KDELR3: variants seen among roughly 807,000 people sequenced by gnomAD.
KDELR3 encodes the protein KDEL endoplasmic reticulum protein retention receptor 3, also known as ER lumen protein-retaining receptor 3.
A neutral mutation model predicts 22.7 loss-of-function variants in KDELR3; 26 were observed. The ratio of observed to expected loss-of-function variants is 1.15; its 90% CI spans 0.84 to 1.59. The LOEUF is 1.59. Among genes scored for constraint, KDELR3 ranks in the 40% most tolerant of loss-of-function variants. The probability of loss-of-function intolerance (pLI) is 0.00; values close to 1 mark genes in which losing one functional copy is unlikely to be tolerated. For missense variants in KDELR3, 289 were observed against 251.1 expected (o/e 1.15, Z -1.02); for synonymous variants, 120 against 98.2 (o/e 1.22, Z -1.31).
At position 38,474,196 on chromosome 22, in the gene KDELR3, C is replaced by G. The variant is rs1402489674; in HGVS notation, c.92-327C>G. ...GAAGAGAAGCCTCAACAACCCCCAC[C>G]AAGCCCGACTCACACCACCCCCGAC... On this transcript the variant is annotated intron_variant, in intron 1 of 4. Transcript: ENST00000216014. 1.6e-5 allele frequency: 4 copies of G among 247,354 alleles called. No homozygotes were observed. In the East Asian group the frequency reaches 3.4e-4, roughly 21 times the overall value. 15.3% of individuals were successfully genotyped at this position (247,354 alleles called of 1,614,324 possible).
intron 1 of KDELR3, among the ~76,000 whole-genome samples, chr22:38,471,993 C>T (rs1208010621): frequency 6.6e-6 from 1 of 151,716 alleles, no homozygotes; most frequent in African/African-American, 2.4e-5. Flanking sequence ...TGTTCTCCCA[C>T]CCCAAATGTC....
In KDELR3 at chr22:38,482,694, C is replaced by T; in HGVS notation, c.*158C>T. ...AACCTGATCATCCCACCCAGAAGAC[C>T]TTCTCATCAATAGATCGCCCTTAAA... On this transcript the variant is annotated 3_prime_UTR_variant, in exon 5 of 5. Coordinates refer to ENST00000216014, the MANE Select transcript of KDELR3 (RefSeq NM_006855.4). The T allele has an allele frequency of 1.5e-6, 1 of 655,522 alleles. No individual in the cohort carries two copies. The highest frequency in any genetic ancestry group is 2.6e-5 in the Admixed American group (1 of 38,042). 40.6% of individuals were successfully genotyped at this position (655,522 alleles called of 1,614,324 possible).
intron 4 of KDELR3, 74 bp downstream of exon 4, chr22:38,481,538 G>T (rs376121501): frequency 2.4e-5 from 38 of 1,601,952 alleles, no homozygotes; most frequent in Admixed American, 1.8e-4. Context: ...TATTCCAGCA[G>T]ATACAGATGT....
intron 1 of KDELR3, among the ~76,000 whole-genome samples, chr22:38,473,217 G>GGA (rs2089535670): frequency 6.6e-6 from 1 of 152,122 alleles, no homozygotes; most frequent in Non-Finnish European, 1.5e-5. Flanking sequence ...GGGCCCAGGA[G>GGA]TTTGAGACCA....
rs1382517201 is a variant in KDELR3, at chr22:38,479,736, T to C, written c.336T>C (p.Ser112=). Residue 112 remains serine (S), a synonymous_variant, in exon 3 of 5, where the codon AGT becomes AGC. Transcript: ENST00000216014. ...GCCTTTCCTTCCTTGAAAACTACAG[T>C]TTCACTCTGCTGGAGGTAAGGGAAT... The part of the protein sequence containing the change: ...VIGLSFLENY[S]FTLLEILWTF... 6.2e-7 allele frequency: 1 copy of C among 1,614,186 alleles called. No individual in the cohort carries two copies. Among genetic ancestry groups the C allele is most frequent in the Admixed American group, 1.7e-5 (1 of 60,016 alleles).
intron 2 of KDELR3, 152 bp downstream of exon 2, chr22:38,474,775 C>T: frequency 3.1e-6 from 2 of 647,412 alleles, no homozygotes; most frequent in South Asian, 1.8e-5. Flanking sequence ...CATCTTGGGC[C>T]TCTTTGTATG....
chr22:38,476,071 A>G (rs2089555530), intron 2 of KDELR3, among the ~76,000 whole-genome samples: 2 of 152,064 alleles, frequency 1.3e-5, no homozygotes, highest in Admixed American at 1.3e-4. Context: ...CTGGGACTAC[A>G]GGCACGCACC....
At chr22:38,469,116 G>A (rs966484110) in intron 1 of KDELR3, among the ~76,000 whole-genome samples, 19 of 152,246 alleles carry the variant, frequency 1.2e-4, no homozygotes, top group South Asian at 4.1e-4. Context: ...AGTGGGCCCC[G>A]AAGGCCCTGT....
intron 2 of KDELR3, 58 bp downstream of exon 2, chr22:38,474,681 GTAGCCT>G: frequency 7.1e-7 from 1 of 1,416,380 alleles, no homozygotes; most frequent in Non-Finnish European, 1.0e-6. Context: ...AAACTGTGAG[GTAGCCT>G]GCTTGGAAAC....
intron 1 of KDELR3, among the ~76,000 whole-genome samples, chr22:38,472,292 C>T (rs1366056492): frequency 1.3e-5 from 2 of 152,080 alleles, no homozygotes; most frequent in Non-Finnish European, 2.9e-5. Flanking sequence ...GCCTGGCCAA[C>T]ACGGTGAAAA....
chr22:38,470,902 G>A (rs2089520715), intron 1 of KDELR3, among the ~76,000 whole-genome samples: 3 of 152,136 alleles, frequency 2.0e-5, no homozygotes, highest in Admixed American at 2.0e-4. Flanking sequence ...CCAGCACTTT[G>A]GGATGCCAAG....
intron 1 of KDELR3, among the ~76,000 whole-genome samples, chr22:38,473,208 G>A (rs1258415633): frequency 6.6e-6 from 1 of 151,998 alleles, no homozygotes; most frequent in African/African-American, 2.4e-5. Flanking sequence ...GGATCACTTG[G>A]GCCCAGGAGT....
chr22:38,476,282 C>T (rs1221913587), intron 2 of KDELR3, among the ~76,000 whole-genome samples: 5 of 151,680 alleles, frequency 3.3e-5, no homozygotes, highest in African/African-American at 4.8e-5. Flanking sequence ...TGCAGTGGGG[C>T]AATCTCGGCT....
At chr22:38,476,828 C>CG (rs2089562571) in intron 2 of KDELR3, among the ~76,000 whole-genome samples, 1 of 137,822 alleles carries the variant, frequency 7.3e-6, no homozygotes, top group Non-Finnish European at 1.6e-5. Flanking sequence ...CTGGCCCCCC[C>CG]TTTTTTTTTT....
intron 3 of KDELR3, among the ~76,000 whole-genome samples, chr22:38,480,297 C>A (rs2145970163): frequency 6.6e-6 from 1 of 152,158 alleles, no homozygotes; most frequent in African/African-American, 2.4e-5. Context: ...GCACGAGCCA[C>A]CACACTCAGC....
chr22:38,472,250 G>C (rs930401312), intron 1 of KDELR3, among the ~76,000 whole-genome samples: 1 of 152,124 alleles, frequency 6.6e-6, no homozygotes, highest in African/African-American at 2.4e-5. Context: ...GGCCGAAGTG[G>C]GCAGTCACTT....
chr22:38,468,115 G>C lies in KDELR3; in HGVS notation c.-119G>C. On this transcript the variant is annotated 5_prime_UTR_variant, in exon 1 of 5. Coordinates refer to ENST00000216014, the MANE Select transcript of KDELR3 (RefSeq NM_006855.4). Reference sequence around the variant, plus strand: ...GCGGGTGCGATCGCGGAGCTGTGAGGCGCAGGCAGGGCTCTGGGGCACCTA... The same window carrying C: ...GCGGGTGCGATCGCGGAGCTGTGAGCCGCAGGCAGGGCTCTGGGGCACCTA... 1 of 835,632 alleles carries C rather than the reference G, an allele frequency of 1.2e-6. No homozygotes were observed. The highest frequency in any genetic ancestry group is 2.4e-4 in the Middle Eastern group (1 of 4,228). 51.8% of individuals were successfully genotyped at this position (835,632 alleles called of 1,614,324 possible). A position where few individuals can be genotyped will look rare whatever the true frequency, so the allele number is the denominator to read the frequency against.
rs755301321 is a variant in KDELR3 at position 38,482,512 on chromosome 22, G to A, written c.621G>A (p.Lys207=). The A allele has an allele frequency of 3.1e-6, 5 of 1,612,906 alleles. No individual in the cohort carries two copies. The highest frequency in any genetic ancestry group is 3.4e-6 in the Non-Finnish European group (4 of 1,178,888). ...TTCTTCCAGTCCTTAAGGGAAAGAA[G>A]TTAAGTCTTCCAATGCCAATCTGAG... The part of the protein sequence containing the change: ...LYVTKVLKGK[K]LSLPMPI The change falls in exon 5 of 5, where the codon AAG becomes AAA. Residue 207 remains lysine, a synonymous_variant. Transcript: ENST00000216014.
Position 38,481,453 on chromosome 22 carries a change from A to G in KDELR3, c.593A>G (p.Tyr198Cys). 6.2e-7 allele frequency: 1 copy of G among 1,614,182 alleles called. No homozygotes were observed. Residue 198 changes from tyrosine (Y) to cysteine (C), a missense_variant, in exon 4 of 5, where the codon TAT becomes TGT. Coordinates refer to ENST00000216014, the MANE Select transcript of KDELR3 (RefSeq NM_006855.4). ...TIFYCDFFYL[Y>C]VTKVLKGKKL... ...TTCTACTGTGACTTCTTCTACTTGT[A>G]TGTGACCAAAGGTAGGTCCTGGGAT...
Sources: allele counts gnomAD v4.1 joint callset (sites outside exome capture counted in the v4.1 genomes callset), GRCh38; gene constraint gnomAD v4.1.1; transcripts MANE v1.5; gene names NCBI Gene and HGNC (gene_info 2026-07-23, HGNC 2026-07-21).